The following RALGDS variants were observed in gnomAD, a reference collection of about 807,000 sequenced individuals.
RALGDS encodes the protein ral guanine nucleotide dissociation stimulator, also known as ral guanine nucleotide exchange factor.
In RALGDS, 44 loss-of-function variants were observed where a neutral mutation model predicts 99.8. That is an observed-to-expected ratio of 0.44 (90% CI 0.35 to 0.57). The LOEUF (loss-of-function observed/expected upper bound fraction) is 0.57. RALGDS is among the 20% of genes least tolerant of loss of function. The pLI is 0.01. For missense variants in RALGDS, 1,022 were observed against 1,203.1 expected (o/e 0.85, Z 2.23); for synonymous variants, 529 against 505.0 (o/e 1.05, Z -0.64).
intron 1 of RALGDS, among the ~76,000 whole-genome samples, chr9:133,114,810 G>A (rs2119187101): frequency 6.6e-6 from 1 of 152,244 alleles, no homozygotes; most frequent in East Asian, 1.9e-4. Context: ...TGATGTCCCT[G>A]GGCTCTGGGA....
chr9:133,107,954 G>A lies in RALGDS; in HGVS notation c.1197+34C>T, dbSNP rs1448760572. ...GACAGCAGATGCTGCCAGAAGGCAG[G>A]CCCACCCCTGCCCTGCCAAGCTGAG... On this transcript the variant is annotated intron_variant, in intron 6 of 17. Transcript: ENST00000372050. The A allele has an allele frequency of 3.7e-6, 6 of 1,611,256 alleles. No homozygotes were observed. In the South Asian group the frequency reaches 5.5e-5, roughly 15 times the overall value.
At position 133,120,728 on chromosome 9, in the gene RALGDS, T is replaced by C. The variant is rs530058856; in HGVS notation, c.183+244A>G. ...GGTGACAGCAGGCCCTGGAACGGTATTGAGGGGCGCAAAACCCCAGCCGTG... is the reference window on the plus strand; with the variant it reads ...GGTGACAGCAGGCCCTGGAACGGTACTGAGGGGCGCAAAACCCCAGCCGTG... On this transcript the variant is annotated intron_variant, in intron 1 of 17. Transcript: ENST00000372050. Among the ~76,000 whole-genome samples the C allele has an allele frequency of 5.0e-3, 761 of 152,210 alleles. 5 individuals are homozygous for C. The highest frequency in any genetic ancestry group is 0.017 in the African/African-American group (705 of 41,548).
chr9:133,107,936 G>A, intron 6 of RALGDS, 52 bp downstream of exon 6: 3 of 1,601,136 alleles, frequency 1.9e-6, no homozygotes, highest in South Asian at 2.2e-5. Flanking sequence ...TGGGACAGCA[G>A]ATGCTGCCAG....
chr9:133,129,408 C>A, intron 1 of RALGDS: 1 of 1,431,052 alleles, frequency 7.0e-7, no homozygotes, highest in Non-Finnish European at 9.1e-7. Flanking sequence ...GAGTGGAGCA[C>A]CCGAGTGCCT....
chr9:133,103,938 G>A (rs1588514078), intron 10 of RALGDS, 105 bp from the exon 11 acceptor site: 1 of 1,079,652 alleles, frequency 9.3e-7, no homozygotes, highest in Non-Finnish European at 1.4e-6. Flanking sequence ...ACCTCTGGGG[G>A]CCTCCTGGGG....
chr9:133,117,258 G>T (rs1158164178), intron 1 of RALGDS, among the ~76,000 whole-genome samples: 1 of 152,224 alleles, frequency 6.6e-6, no homozygotes, highest in Admixed American at 6.5e-5. Context: ...ACCCTAACAG[G>T]AGAGCTGGCA....
intron 1 of RALGDS, among the ~76,000 whole-genome samples, chr9:133,138,193 G>A (rs569138817): frequency 2.0e-5 from 3 of 152,298 alleles, no homozygotes; most frequent in South Asian, 2.1e-4. Context: ...GCTGGTGCCC[G>A]CTGCCCTCTT....
chr9:133,148,001 G>A (rs1832653567), intron 1 of RALGDS, among the ~76,000 whole-genome samples: 1 of 152,174 alleles, frequency 6.6e-6, no homozygotes, highest in African/African-American at 2.4e-5. Flanking sequence ...TCCCACAAGA[G>A]TTGTCCAGTG....
intron 9 of RALGDS, among the ~76,000 whole-genome samples, chr9:133,105,192 CTGTG>C (rs1207638160): frequency 6.6e-6 from 1 of 152,176 alleles, no homozygotes; most frequent in Non-Finnish European, 1.5e-5. Context: ...GTAGGGAACT[CTGTG>C]TGTGTCCACG....
chr9:133,120,344 C>T (rs1831855393), intron 1 of RALGDS, among the ~76,000 whole-genome samples: 1 of 152,132 alleles, frequency 6.6e-6, no homozygotes, highest in Non-Finnish European at 1.5e-5. Flanking sequence ...CTTGCCCGCC[C>T]TGGGCCTGGG....
intron 1 of RALGDS, among the ~76,000 whole-genome samples, chr9:133,126,699 G>A (rs1832171503): frequency 6.6e-6 from 1 of 152,200 alleles, no homozygotes; most frequent in Admixed American, 6.5e-5. Flanking sequence ...GGAAGCAGAG[G>A]AGGAAGAGAC....
At chr9:133,126,878 A>G (rs1381259143) in intron 1 of RALGDS, among the ~76,000 whole-genome samples, 1 of 152,144 alleles carries the variant, frequency 6.6e-6, no homozygotes, top group African/African-American at 2.4e-5. Flanking sequence ...GTTTAGGGAA[A>G]AGGTGTGTTC....
chr9:133,129,203 C>T (rs748674286), intron 1 of RALGDS: 39 of 1,596,986 alleles, frequency 2.4e-5, no homozygotes, highest in Middle Eastern at 1.6e-4. Context: ...AGCGGCACGA[C>T]GGGCGACGGC....
At chr9:133,103,895 G>A in intron 10 of RALGDS, 62 bp from the exon 11 acceptor site, 1 of 1,504,278 alleles carries the variant, frequency 6.6e-7, no homozygotes, top group East Asian at 2.3e-5. Context: ...TCAGCCCCCA[G>A]CCCCAACTGG....
At position 133,112,085 on chromosome 9, in the gene RALGDS, A is replaced by G; in HGVS notation, c.251T>C (p.Val84Ala). ...CTTGTTGCCTCCGTGGTGCAGCTGC[A>G]CCTTGCGCAGGGAGATGGAGTAGAT... ...GVIYSISLRK[V>A]QLHHGGNKGQ... is the part of the protein sequence containing the mutation. The change falls in exon 2 of 18, where the codon GTG becomes GCG. Residue 84 changes from valine to alanine, a missense_variant. This residue lies in a region of RALGDS where 180 missense variants were observed against 169.3 expected (regional missense o/e 1.06). Coordinates refer to ENST00000372050, the MANE Select transcript of RALGDS (RefSeq NM_006266.4). 1.3e-6 allele frequency: 2 copies of G among 1,585,930 alleles called. No homozygotes were observed. The highest frequency in any genetic ancestry group is 1.7e-6 in the Non-Finnish European group (2 of 1,165,170).
At chr9:133,129,206 G>A in intron 1 of RALGDS, 1 of 1,597,374 alleles carries the variant, frequency 6.3e-7, no homozygotes. Flanking sequence ...GGCACGACGG[G>A]CGACGGCCCT....
chr9:133,131,061 G>A (rs1832319704), exon 1 of RALGDS: 1 of 1,520,338 alleles, frequency 6.6e-7, no homozygotes. Flanking sequence ...GGCAGGGGCT[G>A]TGGAGTGCCC....
chr9:133,105,825 G>GGC, intron 9 of RALGDS, 107 bp downstream of exon 9: 7 of 87,552 alleles, frequency 8.0e-5, no homozygotes, highest in South Asian at 1.1e-4. Flanking sequence ...CGCCGCCCCA[G>GGC]CCCCCGCCCC....
At chr9:133,125,563 A>G (rs614515), upstream of RALGDS, among the ~76,000 whole-genome samples, 84,017 of 151,810 alleles carry the variant, frequency 0.55, 23,413 homozygotes, top group East Asian at 0.7. Context: ...GTAAAACCTC[A>G]TCTCTACTAA....
Sources: allele counts gnomAD v4.1 joint callset (sites outside exome capture counted in the v4.1 genomes callset), GRCh38; gene constraint gnomAD v4.1.1; regional missense constraint gnomAD v4.1.1; transcripts MANE v1.5; gene names NCBI Gene and HGNC (gene_info 2026-07-23, HGNC 2026-07-21).